Variants in NDUFS3 observed in about 807,000 individuals in gnomAD.
The protein encoded by NDUFS3 is NADH:ubiquinone oxidoreductase core subunit S3.
Under a neutral mutation model 30.8 loss-of-function variants are expected in NDUFS3, and 19 were observed. The observed-to-expected ratio is 0.62, with a 90% confidence interval of 0.43 to 0.91. The LOEUF is 0.91. NDUFS3 is among the 40% of genes least tolerant of loss of function. The pLI is 0.00. For missense variants in NDUFS3, 331 were observed against 342.0 expected, an observed-to-expected ratio of 0.97 and a Z score of 0.25; for synonymous variants, 153 against 135.8, an observed-to-expected ratio of 1.13 and a Z score of -0.88.
At chr11:47,584,212 G>A (rs374740082) in intron 6 of NDUFS3, 102 bp from the exon 7 acceptor site, 1 of 1,488,052 alleles carries the variant, frequency 6.7e-7, no homozygotes, top group Non-Finnish European at 9.4e-7. Flanking sequence ...TAACCGAGAG[G>A]AATGGGCTGG....
intron 3 of NDUFS3, 32 bp from the exon 4 acceptor site, chr11:47,580,803 T>G: frequency 6.2e-7 from 1 of 1,614,154 alleles, no homozygotes. Flanking sequence ...AGTAGCTCTT[T>G]GTTCCCTCTC....
chr11:47,581,839 T>A, intron 4 of NDUFS3: 2 of 522,952 alleles, frequency 3.8e-6, no homozygotes, highest in Admixed American at 6.2e-5. Context: ...GAATCTAAAA[T>A]ATGAGTAGGA....
At chr11:47,579,814 G>C (rs2097267117) in intron 2 of NDUFS3, 1 of 230,790 alleles carries the variant, frequency 4.3e-6, no homozygotes, top group South Asian at 6.6e-5. Flanking sequence ...AAGTAGGCCT[G>C]CCTGCTGCCA....
In NDUFS3 at chr11:47,579,858, T is replaced by C. The variant is rs76938635; in HGVS notation, c.133+524T>C. 4.3e-4 allele frequency among the ~76,000 whole-genome samples: 66 copies of C among 152,346 alleles called. No homozygotes were observed. The East Asian group carries it at 0.011, about 24-fold the overall frequency. ...AACACCTAACCATTATTCTGTAGCTTGTGATGTGTGATTGCTCAGTGGTTT... is the reference window on the plus strand; with the variant it reads ...AACACCTAACCATTATTCTGTAGCTCGTGATGTGTGATTGCTCAGTGGTTT... On this transcript the variant is annotated intron_variant, in intron 2 of 6. Coordinates refer to ENST00000263774, the MANE Select transcript of NDUFS3 (RefSeq NM_004551.3).
chr11:47,582,160 C>T lies in NDUFS3; in HGVS notation c.454C>T (p.Pro152Ser). The change falls in exon 5 of 7, where the codon CCC becomes TCC. Residue 152 changes from proline (P) to serine (S), a missense_variant. By Grantham distance (74) the Pro-to-Ser change is moderately conservative. Coordinates refer to ENST00000263774, the MANE Select transcript of NDUFS3 (RefSeq NM_004551.3). ...RVKTYTDELT[P>S]IESAVSVFKA... ...GAAGACCTACACAGATGAGCTGACGCCCATTGAGTCTGCTGTCTCTGTGTT... is the reference window on the plus strand; with the variant it reads ...GAAGACCTACACAGATGAGCTGACGTCCATTGAGTCTGCTGTCTCTGTGTT... The T allele has an allele frequency of 6.2e-7, 1 of 1,614,166 alleles. No homozygotes were observed. Among genetic ancestry groups the T allele is most frequent in the Non-Finnish European group, 8.5e-7 (1 of 1,180,028 alleles).
Position 47,582,338 on chromosome 11 carries a change from C to G in NDUFS3, c.508-11C>G. ...TGATGGATTGGCTGTTTGAGGTGGT[C>G]TCTTTCCTAGATCTGGGACATGTTT... On this transcript the variant is annotated splice_polypyrimidine_tract_variant and intron_variant, in intron 5 of 6. Coordinates refer to ENST00000263774, the MANE Select transcript of NDUFS3 (RefSeq NM_004551.3). The G allele has an allele frequency of 6.2e-7, 1 of 1,614,226 alleles. No homozygotes were observed. The highest frequency in any genetic ancestry group is 8.5e-7 in the Non-Finnish European group (1 of 1,180,048).
chr11:47,581,896 G>C, intron 4 of NDUFS3, 192 bp from the exon 5 acceptor site: 1 of 716,718 alleles, frequency 1.4e-6, no homozygotes, highest in South Asian at 1.6e-5. Flanking sequence ...TCCTGACAAA[G>C]TGAATAGCAT....
chr11:47,580,367 C>T (rs1331439278), intron 2 of NDUFS3, among the ~76,000 whole-genome samples, 158 bp from the exon 3 acceptor site: 1 of 152,252 alleles, frequency 6.6e-6, no homozygotes, highest in Non-Finnish European at 1.5e-5. Flanking sequence ...GTTTTCATCA[C>T]TGTATTCCCT....
chr11:47,583,830 T>A (rs2097269871), intron 6 of NDUFS3, among the ~76,000 whole-genome samples: 1 of 152,198 alleles, frequency 6.6e-6, no homozygotes. Flanking sequence ...CCTTACCTTA[T>A]CCATTTGATC....
chr11:47,580,433 G>A lies in NDUFS3; in HGVS notation c.134-92G>A, dbSNP rs1053651198. ...CAAGGTGCTTCAGGGAGCCTTTCCT[G>A]GATTTGACATCCCTTACAAGCCTAA... On this transcript the variant is annotated intron_variant, in intron 2 of 6. Coordinates refer to ENST00000263774, the MANE Select transcript of NDUFS3 (RefSeq NM_004551.3). 2.6e-5 allele frequency: 32 copies of A among 1,213,540 alleles called. No individual in the cohort carries two copies. The African/African-American group carries it at 3.1e-4, about 12-fold the overall frequency. The allele number at this position is 1,213,540 out of a possible 1,614,324, so 75.2% of individuals were successfully genotyped here.
At chr11:47,579,711 T>A (rs1171733681) in intron 2 of NDUFS3, 1 of 392,912 alleles carries the variant, frequency 2.5e-6, no homozygotes, top group Non-Finnish European at 4.8e-6. Flanking sequence ...ACAACAGCCT[T>A]ATGGGGTAGA....
intron 4 of NDUFS3, chr11:47,581,390 C>CGTGATCTGCCTGCCTTGGGAGG (rs1218992533): frequency 3.6e-6 from 1 of 275,798 alleles, no homozygotes; most frequent in Non-Finnish European, 7.1e-6. Context: ...TTCCTGACCT[C>CGTGATCTGCCTGCCTTGGGAGG]GTGATCTGCC....
Position 47,579,338 on chromosome 11 carries a change from A to C in NDUFS3, c.133+4A>C, listed in dbSNP as rs1264954639. 5.0e-6 allele frequency: 8 copies of C among 1,612,998 alleles called. No homozygotes were observed. Among genetic ancestry groups the C allele is most frequent in the Non-Finnish European group, 5.9e-6 (7 of 1,179,594 alleles). ...AGCGCCGGGGCCGACACGCGCCGTG[A>C]GTATGTGCGGGCAGCGCTCTTCTCT... On this transcript the variant is annotated splice_donor_region_variant and intron_variant, in intron 2 of 6. Coordinates refer to ENST00000263774, the MANE Select transcript of NDUFS3 (RefSeq NM_004551.3).
rs758604224 is a variant in NDUFS3 at position 47,581,028 on chromosome 11, AT to A, written c.381+47del. On this transcript the variant is annotated intron_variant, in intron 4 of 6. Transcript: ENST00000263774. Reference sequence around the variant, plus strand: ...GAAGGTTTTGGGGGTAAGGATATTAATTTCAGTTTGTAACATACAATAGAAC... The same window carrying A: ...GAAGGTTTTGGGGGTAAGGATATTAATTCAGTTTGTAACATACAATAGAAC... 18 of 1,612,276 alleles carry A rather than the reference AT, an allele frequency of 1.1e-5. 1 individual carries two copies. The South Asian group carries it at 2.0e-4, about 18-fold the overall frequency.
rs1491399737 is a variant in NDUFS3 at position 47,579,983 on chromosome 11, TGA to T, written c.134-541_134-540del. Among the ~76,000 whole-genome samples, 113 of 94,482 alleles carry T rather than the reference TGA, an allele frequency of 1.2e-3. 1 individual carries two copies. The East Asian group carries it at 0.021, about 18-fold the overall frequency. 62.0% of individuals were successfully genotyped at this position (94,482 alleles called of 152,430 possible). On this transcript the variant is annotated intron_variant, in intron 2 of 6. Coordinates refer to ENST00000263774, the MANE Select transcript of NDUFS3 (RefSeq NM_004551.3). ...TTTCTCCTTTCCTGGGTTTTCTCAT[TGA>T]CACACACACACACACACACACACAC...
chr11:47,584,292 A>G (rs2097270099), intron 6 of NDUFS3, 22 bp from the exon 7 acceptor site: 1 of 1,613,976 alleles, frequency 6.2e-7, no homozygotes, highest in Non-Finnish European at 8.5e-7. Flanking sequence ...TTAGTGCTCA[A>G]GCCTGCCTTT....
At position 47,580,441 on chromosome 11, in the gene NDUFS3, C is replaced by T. The variant is rs112694031; in HGVS notation, c.134-84C>T. Reference sequence around the variant, plus strand: ...TTCAGGGAGCCTTTCCTGGATTTGACATCCCTTACAAGCCTAAGAGACTGC... The same window carrying T: ...TTCAGGGAGCCTTTCCTGGATTTGATATCCCTTACAAGCCTAAGAGACTGC... On this transcript the variant is annotated intron_variant, in intron 2 of 6. Coordinates refer to ENST00000263774, the MANE Select transcript of NDUFS3 (RefSeq NM_004551.3). 2,670 of 1,272,950 alleles carry T rather than the reference C, an allele frequency of 2.1e-3. 7 individuals carry two copies. The highest frequency in any genetic ancestry group is 9.1e-3 in the Middle Eastern group (44 of 4,852). The allele number at this position is 1,272,950 out of a possible 1,614,324, so 78.9% of individuals were successfully genotyped here.
intron 4 of NDUFS3, chr11:47,581,281 G>C (rs575999556): frequency 5.6e-5 from 22 of 393,208 alleles, no homozygotes; most frequent in South Asian, 4.1e-4. Flanking sequence ...AGCCCCTTGA[G>C]TAGCTGGGAC....
At chr11:47,583,712 C>G (rs1379675718) in intron 6 of NDUFS3, among the ~76,000 whole-genome samples, 1 of 152,208 alleles carries the variant, frequency 6.6e-6, no homozygotes, top group Non-Finnish European at 1.5e-5. Context: ...GCTCCTATTT[C>G]CCTCTTGGGC....
Sources: allele counts gnomAD v4.1 joint callset (sites outside exome capture counted in the v4.1 genomes callset), GRCh38; gene constraint gnomAD v4.1.1; transcripts MANE v1.5; gene names NCBI Gene and HGNC (gene_info 2026-07-23, HGNC 2026-07-21).